The following XRCC4 variants were observed in gnomAD, a reference collection of about 807,000 sequenced individuals.
XRCC4 encodes DNA repair protein XRCC4.
In XRCC4, 28 loss-of-function variants were observed where a neutral mutation model predicts 39.1. The observed-to-expected ratio is 0.72, with a 90% confidence interval of 0.53 to 0.98. The LOEUF (loss-of-function observed/expected upper bound fraction) is 0.98, where lower values mean the gene tolerates loss of function less well. XRCC4 is among the 50% of genes least tolerant of loss of function. The pLI is 0.00. For synonymous variants in XRCC4, 123 were observed against 126.4 expected, an observed-to-expected ratio of 0.97 and a Z score of 0.18; for missense variants, 350 against 376.4, an observed-to-expected ratio of 0.93 and a Z score of 0.58.
intron 7 of XRCC4, among the ~76,000 whole-genome samples, chr5:83,261,446 A>T (rs2112904093): frequency 6.6e-6 from 1 of 151,934 alleles, no homozygotes; most frequent in South Asian, 2.1e-4. Context: ...CTACCTCTAA[A>T]CTTAAGTTTC....
chr5:83,111,848 T>C (rs1746459713), intron 3 of XRCC4, among the ~76,000 whole-genome samples: 1 of 152,150 alleles, frequency 6.6e-6, no homozygotes, highest in African/African-American at 2.4e-5. Context: ...TAATAGATAC[T>C]GAATTTGTTT....
At chr5:83,238,638 A>C (rs770802003) in intron 6 of XRCC4, among the ~76,000 whole-genome samples, 84 of 152,266 alleles carry the variant, frequency 5.5e-4, no homozygotes, top group Admixed American at 1.1e-3. Flanking sequence ...ACAAAGTAAT[A>C]ATTTGTATAT....
intron 7 of XRCC4, among the ~76,000 whole-genome samples, chr5:83,308,506 G>T (rs1349803495): frequency 2.0e-5 from 3 of 152,078 alleles, no homozygotes; most frequent in Non-Finnish European, 4.4e-5. Flanking sequence ...TAACTTCCCA[G>T]GTTCTTAAGA....
intron 3 of XRCC4, among the ~76,000 whole-genome samples, chr5:83,143,910 T>C (rs1345168905): frequency 6.6e-6 from 1 of 152,148 alleles, no homozygotes. Context: ...TCTTTCTTTT[T>C]TTTAATTTCA....
intron 4 of XRCC4, among the ~76,000 whole-genome samples, chr5:83,196,192 C>T (rs934326396): frequency 6.6e-6 from 1 of 151,844 alleles, no homozygotes; most frequent in Non-Finnish European, 1.5e-5. Context: ...AAGATCAAAA[C>T]CCATTAATAC....
In XRCC4 at chr5:83,349,802, C is replaced by T. The variant is rs113187217; in HGVS notation, c.894-3329C>T. Among the ~76,000 whole-genome samples the T allele has an allele frequency of 5.3e-3, 813 of 152,076 alleles. 5 individuals carry two copies. The highest frequency in any genetic ancestry group is 0.013 in the African/African-American group (519 of 41,484). On this transcript the variant is annotated intron_variant, in intron 7 of 7. Coordinates refer to ENST00000396027, the MANE Select transcript of XRCC4 (RefSeq NM_003401.5). ...ATTTTAGATACAGGGGGTACATGTG[C>T]GGGTTTGTTACAGGGGTGTATTGCA...
At chr5:83,367,497 C>T in the XRCC4 span, among the ~76,000 whole-genome samples, 1 of 152,192 alleles carries the variant, frequency 6.6e-6, no homozygotes, top group Non-Finnish European at 1.5e-5. Context: ...GCCTCTGCTC[C>T]TTGCACGGGC....
chr5:83,235,737 G>C lies in XRCC4; in HGVS notation c.746-22793G>C, dbSNP rs77606783. Among the ~76,000 whole-genome samples, 1,175 of 151,854 alleles carry C rather than the reference G, an allele frequency of 7.7e-3. 9 individuals are homozygous for C. The highest frequency in any genetic ancestry group is 0.026 in the African/African-American group (1,065 of 41,228). On this transcript the variant is annotated intron_variant, in intron 6 of 7. Transcript: ENST00000396027. ...GTCCTAGGCAGAGCAATTAGGCAAG[G>C]GAAAGAAATTAAGGGCATTAAATTT...
At chr5:83,100,885 CTAAT>C (rs1346675364) in intron 1 of XRCC4, among the ~76,000 whole-genome samples, 1 of 152,026 alleles carries the variant, frequency 6.6e-6, no homozygotes, top group Admixed American at 6.6e-5. Flanking sequence ...AATGTATTGA[CTAAT>C]TGATCTAAAA....
intron 7 of XRCC4, among the ~76,000 whole-genome samples, chr5:83,349,467 T>C (rs928742426): frequency 5.9e-5 from 9 of 152,236 alleles, no homozygotes; most frequent in Non-Finnish European, 1.2e-4. Flanking sequence ...GCCATAGATA[T>C]AAAAGCTCAA....
chr5:83,215,158 A>G (rs1751809440), intron 6 of XRCC4, among the ~76,000 whole-genome samples: 1 of 152,034 alleles, frequency 6.6e-6, no homozygotes, highest in Non-Finnish European at 1.5e-5. Context: ...CAATATGGCA[A>G]AACTCCATCT....
At chr5:83,284,052 C>CAAAAAAAAAAAA (rs766161565) in intron 7 of XRCC4, among the ~76,000 whole-genome samples, 8 of 16,100 alleles carry the variant, frequency 5.0e-4, no homozygotes, top group African/African-American at 1.3e-3. Flanking sequence ...CAACCCAGAG[C>CAAAAAAAAAAAA]AAAAAAAAAA....
chr5:83,296,569 A>G (rs1459578530), intron 7 of XRCC4, among the ~76,000 whole-genome samples: 1 of 152,096 alleles, frequency 6.6e-6, no homozygotes, highest in East Asian at 1.9e-4. Flanking sequence ...ACTTTAACTC[A>G]ATGATAAAAA....
intron 7 of XRCC4, among the ~76,000 whole-genome samples, chr5:83,334,274 T>C (rs1360831097): frequency 6.6e-6 from 1 of 152,188 alleles, no homozygotes; most frequent in Non-Finnish European, 1.5e-5. Context: ...TAAGAACTAC[T>C]TCTTACTCTA....
intron 6 of XRCC4, among the ~76,000 whole-genome samples, chr5:83,241,055 G>A (rs536873085): frequency 1.2e-4 from 19 of 152,036 alleles, no homozygotes; most frequent in Non-Finnish European, 2.4e-4. Flanking sequence ...GGCGAACATG[G>A]CAAAACTCTG....
chr5:83,206,981 G>C (rs148488838), intron 6 of XRCC4, among the ~76,000 whole-genome samples: 1 of 152,102 alleles, frequency 6.6e-6, no homozygotes, highest in Non-Finnish European at 1.5e-5. Context: ...ATTTGAATTG[G>C]ATTACACAAT....
intron 4 of XRCC4, chr5:83,202,052 A>AAC (rs1251970764): frequency 6.6e-6 from 1 of 151,770 alleles, no homozygotes; most frequent in African/African-American, 2.4e-5. Flanking sequence ...CAAAAAAAAA[A>AAC]AAAACAAAAA....
At chr5:83,207,541 T>A (rs1272686145) in intron 6 of XRCC4, among the ~76,000 whole-genome samples, 1 of 152,082 alleles carries the variant, frequency 6.6e-6, no homozygotes, top group East Asian at 1.9e-4. Flanking sequence ...TAATAGAACT[T>A]TACCCTTTTT....
In XRCC4 at chr5:83,353,223, A is replaced by G; in HGVS notation, c.986A>G (p.Asp329Gly). Reference sequence around the variant, plus strand: ...ACTCTGAGAAACAGCAGCCCAGAAGACCTCTTTGATGAGATTTAACAGTCT... The same window carrying G: ...ACTCTGAGAAACAGCAGCCCAGAAGGCCTCTTTGATGAGATTTAACAGTCT... The part of the protein sequence containing the change: ...LETLRNSSPE[D>G]LFDEI Residue 329 changes from aspartate to glycine, a missense_variant, in exon 8 of 8, where the codon GAC (aspartate) becomes GGC (glycine). By Grantham distance (94) the Asp-to-Gly change is moderately conservative. Coordinates refer to ENST00000396027, the MANE Select transcript of XRCC4 (RefSeq NM_003401.5). The G allele has an allele frequency of 6.2e-7, 1 of 1,609,474 alleles. No homozygotes were observed. Among genetic ancestry groups the G allele is most frequent in the Non-Finnish European group, 8.5e-7 (1 of 1,177,972 alleles).
Sources: gnomAD v4.1 joint callset for allele counts (sites outside exome capture counted in the v4.1 genomes callset) on GRCh38, gnomAD v4.1.1 for gene constraint, MANE v1.5 for transcripts, NCBI Gene and HGNC (gene_info 2026-07-23, HGNC 2026-07-21) for gene names.